UPF1: variants seen among roughly 807,000 people sequenced by gnomAD.
UPF1 encodes regulator of nonsense transcripts 1.
UPF1 carries 9 observed loss-of-function variants against 129.2 expected under a neutral mutation model. That is an observed-to-expected ratio of 0.07 (90% CI 0.04 to 0.12). The LOEUF (loss-of-function observed/expected upper bound fraction) is 0.12, where lower values mean the gene tolerates loss of function less well. Ranked by LOEUF, UPF1 falls within the 10% of genes least tolerant of loss-of-function variation. The probability of loss-of-function intolerance (pLI) is 1.00; values close to 1 mark genes in which losing one functional copy is unlikely to be tolerated. For synonymous variants in UPF1, 649 were observed against 644.9 expected, an observed-to-expected ratio of 1.01 and a Z score of -0.10; for missense variants, 788 against 1,525.3, an observed-to-expected ratio of 0.52 and a Z score of 8.05.
Position 18,856,179 on chromosome 19 carries a change from C to G in UPF1, c.1710-7C>G. 3.1e-6 allele frequency: 5 copies of G among 1,606,482 alleles called. No individual in the cohort carries two copies. The highest frequency in any genetic ancestry group is 4.3e-6 in the Non-Finnish European group (5 of 1,173,870). ...CAGGCACCCTGCTGACCTGCATGTG[C>G]TTCCAGCATGCCTGAGCTGCAGAAG... On this transcript the variant is annotated splice_region_variant and splice_polypyrimidine_tract_variant and intron_variant, in intron 12 of 23. Transcript: ENST00000262803.
At chr19:18,860,786 C>A in intron 16 of UPF1, 40 bp from the exon 17 acceptor site, 1 of 1,608,248 alleles carries the variant, frequency 6.2e-7, no homozygotes, top group South Asian at 1.1e-5. Flanking sequence ...GCTCGGGATC[C>A]CACAGGTGGA....
In UPF1 at chr19:18,865,654, G is replaced by A. The variant is rs1165285300; in HGVS notation, c.3113G>A (p.Ser1038Asn). The change falls in exon 22 of 24, where the codon AGC becomes AAC. Residue 1038 changes from serine to asparagine, a missense_variant. Physicochemically the swap from Ser to Asn is conservative, Grantham distance 46. Coordinates refer to ENST00000262803, the MANE Select transcript of UPF1 (RefSeq NM_002911.4). This position sits in a 1 kb window ranked among gnomAD's most constrained non-coding sequence, Gnocchi z 6.1. ...CCCAGCCAGACTAACCTCCCCAACA[G>A]CCAAGCCAGCCAGGATGTGGCGTCA... ...PGPSQTNLPN[S>N]QASQDVASQP... is the part of the protein sequence containing the mutation. 2 of 1,613,828 alleles carry A rather than the reference G, an allele frequency of 1.2e-6. No homozygotes were observed. The highest frequency in any genetic ancestry group is 1.7e-5 in the Admixed American group (1 of 60,032).
At chr19:18,844,568 G>A (rs1310322289) in intron 1 of UPF1, among the ~76,000 whole-genome samples, 3 of 151,592 alleles carry the variant, frequency 2.0e-5, no homozygotes. Context: ...CCTGACCTCA[G>A]GTGATCCGCC....
chr19:18,866,145 G>A lies in UPF1; in HGVS notation c.3339G>A (p.Thr1113=), dbSNP rs561916655. Residue 1113 remains threonine, a synonymous_variant, in exon 23 of 24, where the codon ACG becomes ACA. Coordinates refer to ENST00000262803, the MANE Select transcript of UPF1 (RefSeq NM_002911.4). ...GGGCTTACCAGCATGGCGGGGTGAC[G>A]GGGCTGTCCCAGTATTAAAAGGCAA... is the stretch of plus-strand genomic sequence containing the variant. The part of the protein sequence containing the change: ...GERAYQHGGV[T]GLSQY 24 of 1,607,516 alleles carry A rather than the reference G, an allele frequency of 1.5e-5. No individual in the cohort carries two copies. The highest frequency in any genetic ancestry group is 1.3e-4 in the African/African-American group (10 of 74,774).
intron 2 of UPF1, 123 bp from the exon 3 acceptor site, chr19:18,847,621 G>T: frequency 1.2e-6 from 1 of 825,722 alleles, no homozygotes; most frequent in Non-Finnish European, 2.0e-6. Context: ...GGGATTGTTG[G>T]GGTTGAGTAT....
Position 18,856,037 on chromosome 19 carries a change from G to A in UPF1, c.1657G>A (p.Asp553Asn), listed in dbSNP as rs1356167652. ...RLCAKSREAIDSPVSFLALHN... is the reference protein window; with the variant it reads ...RLCAKSREAINSPVSFLALHN... ...CTGCGCCAAGAGCCGTGAGGCCATCGACTCCCCGGTGTCTTTTCTGGCCCT... is the reference window on the plus strand; with the variant it reads ...CTGCGCCAAGAGCCGTGAGGCCATCAACTCCCCGGTGTCTTTTCTGGCCCT... The change falls in exon 12 of 24, where the codon GAC (aspartate) becomes AAC (asparagine). Residue 553 changes from aspartate to asparagine, a missense_variant. Physicochemically the swap from Asp to Asn is conservative, Grantham distance 23 (BLOSUM62 1). This residue lies in a region of UPF1 where 91 missense variants were observed against 157.2 expected (regional missense o/e 0.58). Transcript: ENST00000262803. The A allele has an allele frequency of 1.9e-6, 3 of 1,613,968 alleles. No homozygotes were observed. Among genetic ancestry groups the A allele is most frequent in the South Asian group, 1.1e-5 (1 of 91,090 alleles).
intron 20 of UPF1, 21 bp downstream of exon 20, chr19:18,864,272 C>A (rs756004968): frequency 1.3e-5 from 21 of 1,598,604 alleles, no homozygotes; most frequent in Non-Finnish European, 1.8e-5. Context: ...CAGCAGGGGA[C>A]CTGGCCGACC....
intron 17 of UPF1, 22 bp from the exon 18 acceptor site, chr19:18,861,988 T>C (rs1256685256): frequency 2.5e-6 from 4 of 1,612,874 alleles, no homozygotes; most frequent in Non-Finnish European, 3.4e-6. Flanking sequence ...TGGCTGATAG[T>C]GACCACAAAG....
At position 18,850,485 on chromosome 19, in the gene UPF1, A is replaced by G. The variant is rs919924333; in HGVS notation, c.630-203A>G. ...TCATAAAAACAATTCTGTAAAAACA[A>G]AGTCTGTTCTGAGTTTTAAGAGTTC... On this transcript the variant is annotated intron_variant, in intron 4 of 23. Coordinates refer to ENST00000262803, the MANE Select transcript of UPF1 (RefSeq NM_002911.4). This position sits in a 1 kb window ranked among gnomAD's most constrained non-coding sequence, Gnocchi z 7.1. Among the ~76,000 whole-genome samples, 7 of 152,220 alleles carry G rather than the reference A, an allele frequency of 4.6e-5. No individual in the cohort carries two copies. The highest frequency in any genetic ancestry group is 7.2e-5 in the African/African-American group (3 of 41,442).
intron 20 of UPF1, 151 bp downstream of exon 20, chr19:18,864,402 C>T (rs2055816370): frequency 1.6e-6 from 1 of 640,302 alleles, no homozygotes; most frequent in South Asian, 2.0e-5. Flanking sequence ...TAGGGCATCT[C>T]TAGCCCCGGA....
chr19:18,840,823 G>T (rs1348278086), intron 1 of UPF1, among the ~76,000 whole-genome samples: 2 of 152,330 alleles, frequency 1.3e-5, no homozygotes, highest in Middle Eastern at 3.4e-3. Flanking sequence ...GCCTTTTTCT[G>T]TGTTGGTCGA....
chr19:18,854,770 G>A, intron 9 of UPF1, 61 bp downstream of exon 9: 2 of 1,606,292 alleles, frequency 1.2e-6, no homozygotes, highest in Non-Finnish European at 1.7e-6. Context: ...ATCTTTATGA[G>A]CCCTCCCCGT....
At chr19:18,860,033 G>C (rs144525256) in intron 15 of UPF1, 18 of 388,196 alleles carry the variant, frequency 4.6e-5, no homozygotes, top group Non-Finnish European at 7.0e-5. Context: ...GGTTGGCAGA[G>C]ATCCAGGCTG....
At chr19:18,861,265 A>G (rs2055776013) in intron 17 of UPF1, among the ~76,000 whole-genome samples, 1 of 152,246 alleles carries the variant, frequency 6.6e-6, no homozygotes, top group African/African-American at 2.4e-5. Flanking sequence ...TGGTTGAAAC[A>G]AGTCCAAGGT....
chr19:18,852,347 T>TA (rs2055668692), intron 6 of UPF1, 51 bp downstream of exon 6: 1 of 1,601,302 alleles, frequency 6.2e-7, no homozygotes, highest in African/African-American at 1.4e-5. Context: ...CTCTCACAGC[T>TA]CTCTCCTCAG....
chr19:18,860,123 CTCTCCTCA>C, intron 15 of UPF1, 190 bp from the exon 16 acceptor site: 1 of 606,088 alleles, frequency 1.6e-6, no homozygotes, highest in Non-Finnish European at 2.9e-6. Flanking sequence ...TCTCGGTGGC[CTCTCCTCA>C]GCCTTGCCCA....
chr19:18,864,360 G>GCGGT (rs2145972684), intron 20 of UPF1, 109 bp downstream of exon 20: 1 of 990,790 alleles, frequency 1.0e-6, no homozygotes, highest in African/African-American at 1.6e-5. Flanking sequence ...CCCCTCAAGG[G>GCGGT]CGGTGCCTGG....
intron 23 of UPF1, 81 bp downstream of exon 23, chr19:18,866,247 C>CT (rs1384778596): frequency 6.9e-7 from 1 of 1,457,346 alleles, no homozygotes; most frequent in Non-Finnish European, 9.0e-7. Flanking sequence ...GGGAGCTGCA[C>CT]TGGAGGGGTG....
intron 1 of UPF1, among the ~76,000 whole-genome samples, chr19:18,842,912 G>A (rs945708732): frequency 2.6e-5 from 4 of 151,924 alleles, no homozygotes; most frequent in South Asian, 4.2e-4. Context: ...GCTTGAACCC[G>A]GGAGGCAGAG....
Sources: gnomAD v4.1 joint callset for allele counts (sites outside exome capture counted in the v4.1 genomes callset) on GRCh38, gnomAD v4.1.1 for gene constraint, gnomAD v4.1.1 regional missense constraint, Gnocchi (gnomAD v3.1) non-coding constraint, MANE v1.5 for transcripts, NCBI Gene and HGNC (gene_info 2026-07-23, HGNC 2026-07-21) for gene names.